The following PLTP variants were observed in gnomAD, a reference collection of about 807,000 sequenced individuals.
The protein encoded by PLTP is BPI fold containing family E.
In PLTP, 43 loss-of-function variants were observed where a neutral mutation model predicts 54.1. The ratio of observed to expected loss-of-function variants is 0.79; its 90% CI spans 0.62 to 1.02. PLTP has a LOEUF of 1.02. PLTP is among the 50% of genes least tolerant of loss of function. The pLI, the probability that PLTP is intolerant of heterozygous loss-of-function variation, is 0.00. For synonymous variants in PLTP, 263 were observed against 264.6 expected (o/e 0.99, Z 0.06); for missense variants, 604 against 645.9 (o/e 0.94, Z 0.70).
At position 45,911,177 on chromosome 20, in the gene PLTP, C is replaced by T. The variant is rs139898818; in HGVS notation, c.175G>A (p.Gly59Ser). ...ITIPDLRGKE[G>S]HFYYNISEVK... The stretch of plus-strand genomic sequence containing the variant: ...TCAGAGATGTTGTAGTAGAAGTGGC[C>T]TTCTTTGCCCCGCAGGTCCGGAATG... Residue 59 changes from glycine to serine, a missense_variant, in exon 3 of 16, where the codon GGC becomes AGC. Coordinates refer to ENST00000372431, the MANE Select transcript of PLTP (RefSeq NM_006227.4). The T allele has an allele frequency of 2.4e-5, 38 of 1,614,112 alleles. No homozygotes were observed. The African/African-American group carries it at 2.7e-4, about 11-fold the overall frequency.
rs1426365053 is a variant in PLTP, at chr20:45,902,875, G to A, written c.943-271C>T. ...TCTCCAATCCAGACTCTTTGTGGAT[G>A]TCCTTTTTGCATTAGTATCTCAGCC... On this transcript the variant is annotated intron_variant, in intron 10 of 15. Coordinates refer to ENST00000372431, the MANE Select transcript of PLTP (RefSeq NM_006227.4). Among the ~76,000 whole-genome samples the A allele has an allele frequency of 2.0e-5, 3 of 152,294 alleles. No individual in the cohort carries two copies. The East Asian group carries it at 5.8e-4, about 29-fold the overall frequency.
intron 10 of PLTP, among the ~76,000 whole-genome samples, chr20:45,902,930 G>A (rs2083200856): frequency 6.6e-6 from 1 of 152,170 alleles, no homozygotes; most frequent in Non-Finnish European, 1.5e-5. Context: ...TTGATATGGA[G>A]TCTCACTTTG....
intron 12 of PLTP, 110 bp downstream of exon 12, chr20:45,902,157 C>T (rs1234866542): frequency 1.7e-6 from 2 of 1,169,806 alleles, no homozygotes; most frequent in South Asian, 1.3e-5. Context: ...CAAAGACAGA[C>T]CCCAGCTCTC....
chr20:45,899,536 G>A lies in PLTP; in HGVS notation c.1285C>T (p.Arg429Trp), dbSNP rs988251738. 4.3e-6 allele frequency: 7 copies of A among 1,614,134 alleles called. No homozygotes were observed. The highest frequency in any genetic ancestry group is 2.2e-5 in the South Asian group (2 of 91,090). Residue 429 changes from arginine (R) to tryptophan (W), a missense_variant and splice_region_variant, in exon 15 of 16, where the codon CGG becomes TGG. Transcript: ENST00000372431. ...GGGATCTGCACCCCACGCCAGGTCC[G>A]CTCTGTGGGTGGGAGCACCCCGCTC... ...QIGVMPMLNE[R>W]TWRGVQIPLP...
At position 45,911,175 on chromosome 20, in the gene PLTP, G is replaced by T. The variant is rs780724803; in HGVS notation, c.177C>A (p.Gly59=). The T allele has an allele frequency of 6.8e-6, 11 of 1,613,976 alleles. No individual in the cohort carries two copies. Among genetic ancestry groups the T allele is most frequent in the Non-Finnish European group, 9.3e-6 (11 of 1,179,830 alleles). ...ITIPDLRGKE[G]HFYYNISEVK... ...ACTCAGAGATGTTGTAGTAGAAGTG[G>T]CCTTCTTTGCCCCGCAGGTCCGGAA... Residue 59 remains glycine, a synonymous_variant, in exon 3 of 16, where the codon GGC becomes GGA. Coordinates refer to ENST00000372431, the MANE Select transcript of PLTP (RefSeq NM_006227.4).
Position 45,911,265 on chromosome 20 carries a change from G to C in PLTP, c.101-14C>G. The stretch of plus-strand genomic sequence containing the variant: ...CCTCCTGCTTCACTGAAGCAGCAGA[G>C]AAACCCTTACTTAGCTCCCGTGCCC... On this transcript the variant is annotated splice_polypyrimidine_tract_variant and intron_variant, in intron 2 of 15. Transcript: ENST00000372431. 6.2e-7 allele frequency: 1 copy of C among 1,613,992 alleles called. No individual in the cohort carries two copies. Among genetic ancestry groups the C allele is most frequent in the Non-Finnish European group, 8.5e-7 (1 of 1,179,834 alleles).
In PLTP at chr20:45,899,007, A is replaced by G; in HGVS notation, c.1416T>C (p.Ile472=). 6.2e-7 allele frequency: 1 copy of G among 1,614,126 alleles called. No homozygotes were observed. Among genetic ancestry groups the G allele is most frequent in the Non-Finnish European group, 8.5e-7 (1 of 1,180,002 alleles). ...LHFAKGLREV[I]EKNRPADVRA... Reference sequence around the variant, plus strand: ...TGACATCAGCAGGCCGGTTCTTCTCAATCACCTCTCGCAGCCCTTTGGCAA... The same window carrying G: ...TGACATCAGCAGGCCGGTTCTTCTCGATCACCTCTCGCAGCCCTTTGGCAA... Residue 472 remains isoleucine, a synonymous_variant, in exon 16 of 16, where the codon ATT becomes ATC. Transcript: ENST00000372431.
Position 45,911,482 on chromosome 20 carries a change from C to A in PLTP, c.-11-19G>T, listed in dbSNP as rs761229997. The A allele has an allele frequency of 3.1e-6, 5 of 1,600,018 alleles. No individual in the cohort carries two copies. The highest frequency in any genetic ancestry group is 4.2e-6 in the Non-Finnish European group (5 of 1,179,794). ...AGCGGGCCTGGGGGTGGGGTGGGGT[C>A]GCAGGAGTTATCTGAGCCGCTTAAA... On this transcript the variant is annotated intron_variant, in intron 1 of 15. Coordinates refer to ENST00000372431, the MANE Select transcript of PLTP (RefSeq NM_006227.4).
At position 45,909,596 on chromosome 20, in the gene PLTP, G is replaced by A. The variant is rs143020139; in HGVS notation, c.405C>T (p.Pro135=). ...CATTGGACACTTTCATCCGTCCAGC[G>A]GGATCCCGGGAGAGCTCCAGACCAG... The part of the protein sequence containing the change: ...IRTGLELSRD[P]AGRMKVSNVS... Residue 135 remains proline, a synonymous_variant, in exon 5 of 16, where the codon CCC becomes CCT. Transcript: ENST00000372431. The A allele has an allele frequency of 7.4e-5, 120 of 1,614,148 alleles. No individual in the cohort carries two copies. The African/African-American group carries it at 1.4e-3, about 19-fold the overall frequency.
intron 10 of PLTP, 71 bp from the exon 11 acceptor site, chr20:45,902,675 A>G: frequency 6.8e-7 from 1 of 1,469,700 alleles, no homozygotes; most frequent in South Asian, 1.3e-5. Flanking sequence ...AAGAAGGGGA[A>G]GGAAGGCAGG....
chr20:45,899,012 C>T lies in PLTP; in HGVS notation c.1411G>A (p.Val471Met). ...TCAGCAGGCCGGTTCTTCTCAATCA[C>T]CTCTCGCAGCCCTTTGGCAAAGTGG... The part of the protein sequence containing the change: ...DLHFAKGLRE[V>M]IEKNRPADVR... Residue 471 changes from valine to methionine, a missense_variant, in exon 16 of 16, where the codon GTG becomes ATG. By Grantham distance (21) the Val-to-Met change is conservative (BLOSUM62 1). Transcript: ENST00000372431. The T allele has an allele frequency of 1.2e-6, 2 of 1,614,174 alleles. No individual in the cohort carries two copies. Among genetic ancestry groups the T allele is most frequent in the Non-Finnish European group, 1.7e-6 (2 of 1,180,018 alleles).
At chr20:45,906,726 A>G (rs1249222522) in intron 7 of PLTP, among the ~76,000 whole-genome samples, 14 of 148,164 alleles carry the variant, frequency 9.4e-5, no homozygotes, top group Non-Finnish European at 1.1e-4. Context: ...CCCCGTCTCT[A>G]CTAAAAATAC....
In PLTP at chr20:45,907,870, A is replaced by T; in HGVS notation, c.520T>A (p.Ser174Thr). ...VYDFLSTFIT[S>T]GMRFLLNQQI... ...TGGTTGAGGAGGAAGCGCATCCCTG[A>T]GGTGATGAACGTGGAGAGAAAATCA... Residue 174 changes from serine to threonine, a missense_variant, in exon 6 of 16, where the codon TCA becomes ACA. Ser to Thr is a moderately conservative substitution (Grantham distance 58). Transcript: ENST00000372431. 1 of 1,594,464 alleles carries T rather than the reference A, an allele frequency of 6.3e-7. No individual in the cohort carries two copies. Among genetic ancestry groups the T allele is most frequent in the Non-Finnish European group, 8.5e-7 (1 of 1,171,196 alleles).
In PLTP at chr20:45,909,986, G is replaced by C. The variant is rs767089679; in HGVS notation, c.285C>G (p.Ala95=). The C allele has an allele frequency of 6.2e-7, 1 of 1,614,124 alleles. No homozygotes were observed. Among genetic ancestry groups the C allele is most frequent in the Non-Finnish European group, 8.5e-7 (1 of 1,180,008 alleles). ...GTCTCCGGAAGCGCAGCCCCAAGGA[G>C]GCATTGGTGATTTGAAGCATCAGCT... ...QQELMLQITN[A]SLGLRFRRQL... is the part of the protein sequence containing the mutation. The change falls in exon 4 of 16, where the codon GCC becomes GCG. Residue 95 remains alanine (A), a synonymous_variant. Transcript: ENST00000372431.
rs768003037 is a variant in PLTP, at chr20:45,911,470, G to A, written c.-11-7C>T. ...AGGGCCATGGCGAGCGGGCCTGGGGGTGGGGTGGGGTCGCAGGAGTTATCT... is the reference window on the plus strand; with the variant it reads ...AGGGCCATGGCGAGCGGGCCTGGGGATGGGGTGGGGTCGCAGGAGTTATCT... On this transcript the variant is annotated splice_region_variant and splice_polypyrimidine_tract_variant and intron_variant, in intron 1 of 15. Coordinates refer to ENST00000372431, the MANE Select transcript of PLTP (RefSeq NM_006227.4). 1.2e-6 allele frequency: 2 copies of A among 1,600,946 alleles called. No homozygotes were observed. The highest frequency in any genetic ancestry group is 1.7e-6 in the Non-Finnish European group (2 of 1,179,678).
chr20:45,905,303 G>C (rs1452914635), intron 8 of PLTP, among the ~76,000 whole-genome samples, 185 bp from the exon 9 acceptor site: 1 of 152,204 alleles, frequency 6.6e-6, no homozygotes, highest in African/African-American at 2.4e-5. Context: ...CTACCAGGGG[G>C]CGAGCCCGTC....
In PLTP at chr20:45,899,882, C is replaced by T. The variant is rs778463054; in HGVS notation, c.1176-4G>A. The T allele has an allele frequency of 6.6e-5, 100 of 1,526,640 alleles. No individual in the cohort carries two copies. In the South Asian group the frequency reaches 9.9e-4, roughly 15 times the overall value. The allele number at this position is 1,526,640 out of a possible 1,614,324, so 94.6% of individuals were successfully genotyped here. A position where few individuals can be genotyped will look rare whatever the true frequency, so the allele number is the denominator to read the frequency against. On this transcript the variant is annotated splice_region_variant and splice_polypyrimidine_tract_variant and intron_variant, in intron 12 of 15. Coordinates refer to ENST00000372431, the MANE Select transcript of PLTP (RefSeq NM_006227.4). Reference sequence around the variant, plus strand: ...ATGGTTGGAATAGATTCGGAACCTGCGGGAAAGAAAGGAGCCCTGTGGGCA... The same window carrying T: ...ATGGTTGGAATAGATTCGGAACCTGTGGGAAAGAAAGGAGCCCTGTGGGCA...
intron 12 of PLTP, among the ~76,000 whole-genome samples, chr20:45,901,101 T>C (rs1277368178): frequency 1.3e-5 from 2 of 152,226 alleles, no homozygotes; most frequent in East Asian, 3.8e-4. Flanking sequence ...AAACGTTTTG[T>C]ATCTGCACCG....
rs71181874 is a variant in PLTP at position 45,900,098 on chromosome 20, CTTTTTTTTTTTT to C, written c.1176-232_1176-221del. Among the ~76,000 whole-genome samples, 61 of 55,746 alleles carry C rather than the reference CTTTTTTTTTTTT, an allele frequency of 1.1e-3. 1 individual carries two copies. Among genetic ancestry groups the C allele is most frequent in the African/African-American group, 4.0e-3 (56 of 14,042 alleles). The allele number at this position is 55,746 out of a possible 152,430, so 36.6% of individuals were successfully genotyped here. A position where few individuals can be genotyped will look rare whatever the true frequency, so the allele number is the denominator to read the frequency against. ...GCTACTTTTTATTTATTGAGCACCT[CTTTTTTTTTTTT>C]TTTTTTTTTTTTTTTTGAGACAGAG... On this transcript the variant is annotated intron_variant, in intron 12 of 15. Coordinates refer to ENST00000372431, the MANE Select transcript of PLTP (RefSeq NM_006227.4).
Sources: gnomAD v4.1 joint callset for allele counts (sites outside exome capture counted in the v4.1 genomes callset) on GRCh38, gnomAD v4.1.1 for gene constraint, MANE v1.5 for transcripts, NCBI Gene and HGNC (gene_info 2026-07-23, HGNC 2026-07-21) for gene names.